The following MSH3 variants were observed in gnomAD, a reference collection of about 807,000 sequenced individuals.
The protein encoded by MSH3 is mutS homolog 3.
Under a neutral mutation model 123.3 loss-of-function variants are expected in MSH3, and 106 were observed. The observed-to-expected ratio is 0.86, with a 90% CI of 0.73 to 1.01. The LOEUF is 1.01. Ranked by LOEUF, MSH3 falls within the 50% of genes least tolerant of loss-of-function variation. The pLI, the probability that MSH3 is intolerant of heterozygous loss-of-function variation, is 0.00. For missense variants in MSH3, 1,459 were observed against 1,347.6 expected (o/e 1.08, Z -1.29); for synonymous variants, 515 against 481.4 (o/e 1.07, Z -0.91).
chr5:80,783,726 G>GA (rs1236104818), intron 17 of MSH3, among the ~76,000 whole-genome samples: 4 of 152,006 alleles, frequency 2.6e-5, no homozygotes, highest in Admixed American at 2.0e-4. Flanking sequence ...GAAAGAGTGA[G>GA]AAAAAAATTG....
At chr5:80,819,885 T>C (rs1465144773) in intron 20 of MSH3, among the ~76,000 whole-genome samples, 2 of 152,246 alleles carry the variant, frequency 1.3e-5, no homozygotes, top group Non-Finnish European at 2.9e-5. Flanking sequence ...TTTAAGGCCA[T>C]AGGGCCTGTG....
At chr5:80,800,092 T>C (rs1399703087) in intron 19 of MSH3, among the ~76,000 whole-genome samples, 2 of 152,238 alleles carry the variant, frequency 1.3e-5, no homozygotes, top group Non-Finnish European at 2.9e-5. Flanking sequence ...ATCTTATTGA[T>C]TGATGCTATT....
intron 20 of MSH3, among the ~76,000 whole-genome samples, chr5:80,844,608 G>A (rs144974939): frequency 6.6e-6 from 1 of 152,160 alleles, no homozygotes; most frequent in East Asian, 1.9e-4. Flanking sequence ...ATATATTTAG[G>A]ATAGTTAAGT....
intron 20 of MSH3, among the ~76,000 whole-genome samples, chr5:80,819,552 T>A (rs1166725014): frequency 6.6e-6 from 1 of 150,746 alleles, no homozygotes; most frequent in Admixed American, 6.6e-5. Flanking sequence ...GATCCCAGGA[T>A]CCCAGCTCAC....
In MSH3 at chr5:80,875,947, G is replaced by A. The variant is rs887256618; in HGVS notation, c.*85G>A. ...AACTCTCCAGTAACAGCCTATCTTT[G>A]TGTGACATGTGAGCATAAAATTATG... On this transcript the variant is annotated 3_prime_UTR_variant, in exon 24 of 24. Transcript: ENST00000265081. 1 of 811,910 alleles carries A rather than the reference G, an allele frequency of 1.2e-6. No homozygotes were observed. The highest frequency in any genetic ancestry group is 2.1e-6 in the Non-Finnish European group (1 of 472,946). The allele number at this position is 811,910 out of a possible 1,614,324, so 50.3% of individuals were successfully genotyped here. A position where few individuals can be genotyped will look rare whatever the true frequency, so the allele number is the denominator to read the frequency against.
intron 10 of MSH3, among the ~76,000 whole-genome samples, chr5:80,739,354 AAAT>A (rs1447963894): frequency 1.3e-5 from 2 of 152,216 alleles, no homozygotes; most frequent in African/African-American, 4.8e-5. Context: ...TTCTTCCTGT[AAAT>A]AATGTTTTAC....
intron 7 of MSH3, among the ~76,000 whole-genome samples, chr5:80,676,063 C>T (rs836811): frequency 0.39 from 59,459 of 151,948 alleles, 12,067 homozygotes; most frequent in African/African-American, 0.51. Flanking sequence ...GGAGTTTCAC[C>T]CTTGTCACCC....
chr5:80,867,965 CT>C (rs1746134602), intron 22 of MSH3, among the ~76,000 whole-genome samples: 1 of 152,080 alleles, frequency 6.6e-6, no homozygotes. Flanking sequence ...GTTGCAATTG[CT>C]TTTGGCCTCT....
At position 80,741,344 on chromosome 5, in the gene MSH3, A is replaced by AT. The variant is rs55923413; in HGVS notation, c.1569-116dup. 3.6e-4 allele frequency: 257 copies of AT among 721,050 alleles called. 2 individuals carry two copies. In the African/African-American group the frequency reaches 4.4e-3, roughly 12 times the overall value. The allele number at this position is 721,050 out of a possible 1,614,324, so 44.7% of individuals were successfully genotyped here. ...ATTTTCATTTTGCTCCTTTTGTTTG[A>AT]TTTTCTATCAGAATGCTAATTTTTG... On this transcript the variant is annotated intron_variant, in intron 10 of 23. Coordinates refer to ENST00000265081, the MANE Select transcript of MSH3 (RefSeq NM_002439.5).
chr5:80,699,524 C>T (rs938429814), intron 8 of MSH3, among the ~76,000 whole-genome samples: 4 of 143,102 alleles, frequency 2.8e-5, no homozygotes, highest in African/African-American at 1.1e-4. Flanking sequence ...CACCACTGCA[C>T]TCCAGCCTGG....
intron 5 of MSH3, 70 bp downstream of exon 5, chr5:80,672,430 G>A: frequency 8.6e-7 from 1 of 1,160,668 alleles, no homozygotes; most frequent in Admixed American, 1.7e-5. Context: ...AACGTGTTTT[G>A]TAAGGTGGTA....
At chr5:80,779,539 AATTAAC>A (rs1243855193) in intron 17 of MSH3, among the ~76,000 whole-genome samples, 2 of 151,680 alleles carry the variant, frequency 1.3e-5, no homozygotes, top group African/African-American at 4.9e-5. Flanking sequence ...ATCTAAAAAA[AATTAAC>A]ATTAATTTTT....
At chr5:80,724,511 A>T (rs1743222879) in intron 8 of MSH3, among the ~76,000 whole-genome samples, 1 of 152,210 alleles carries the variant, frequency 6.6e-6, no homozygotes. Flanking sequence ...AAGAAAGAAG[A>T]GAAGGAGGAC....
At chr5:80,655,050 G>C in intron 1 of MSH3, 86 bp downstream of exon 1, 3 of 763,916 alleles carry the variant, frequency 3.9e-6, no homozygotes, top group Non-Finnish European at 5.8e-6. Flanking sequence ...GGGACCCTCC[G>C]CCCGATGATA....
intron 8 of MSH3, among the ~76,000 whole-genome samples, chr5:80,681,381 G>T (rs1172693978): frequency 6.6e-6 from 1 of 151,882 alleles, no homozygotes; most frequent in Non-Finnish European, 1.5e-5. Context: ...ATGAGAAATG[G>T]TGATCAAGAG....
chr5:80,839,832 G>C (rs1188943513), intron 20 of MSH3, among the ~76,000 whole-genome samples: 2 of 152,112 alleles, frequency 1.3e-5, no homozygotes, highest in Non-Finnish European at 2.9e-5. Context: ...AAGCAAATCA[G>C]AGGGCACAAA....
intron 16 of MSH3, among the ~76,000 whole-genome samples, chr5:80,778,454 C>T (rs1367636575): frequency 2.0e-5 from 3 of 152,020 alleles, no homozygotes; most frequent in Non-Finnish European, 4.4e-5. Flanking sequence ...AAGAAAAAAG[C>T]TTTCTGCCTA....
chr5:80,750,402 T>G (rs974374272), intron 12 of MSH3, among the ~76,000 whole-genome samples: 30 of 152,196 alleles, frequency 2.0e-4, no homozygotes, highest in African/African-American at 6.8e-4. Flanking sequence ...CTTGTTATCT[T>G]TCATCTTTTT....
At chr5:80,776,514 T>C (rs894390184) in intron 16 of MSH3, among the ~76,000 whole-genome samples, 2 of 152,158 alleles carry the variant, frequency 1.3e-5, no homozygotes, top group Admixed American at 6.5e-5. Context: ...TTATAATTCT[T>C]TACATCTTTT....
Sources: allele counts gnomAD v4.1 joint callset (sites outside exome capture counted in the v4.1 genomes callset), GRCh38; gene constraint gnomAD v4.1.1; transcripts MANE v1.5; gene names NCBI Gene and HGNC (gene_info 2026-07-23, HGNC 2026-07-21).